ZFYVE1: variants seen among roughly 807,000 people sequenced by gnomAD.
ZFYVE1 encodes the protein zinc finger FYVE-type containing 1, also known as zinc finger FYVE domain-containing protein 1.
ZFYVE1 carries 30 observed loss-of-function variants against 74.4 expected under a neutral mutation model. The ratio of observed to expected loss-of-function variants is 0.40; its 90% CI spans 0.30 to 0.55. ZFYVE1 has a LOEUF of 0.55. ZFYVE1 is among the 20% of genes least tolerant of loss of function. ZFYVE1 has a pLI of 0.42. For missense variants in ZFYVE1, 703 were observed against 1,011.6 expected (o/e 0.69, Z 4.14); for synonymous variants, 335 against 385.1 (o/e 0.87, Z 1.52).
At chr14:72,994,555 G>C (rs769009990) in intron 3 of ZFYVE1, among the ~76,000 whole-genome samples, 2 of 152,002 alleles carry the variant, frequency 1.3e-5, no homozygotes, top group Non-Finnish European at 2.9e-5. Context: ...GATACGCACT[G>C]TTCTGTATGC....
intron 6 of ZFYVE1, among the ~76,000 whole-genome samples, chr14:72,978,452 A>G (rs1567345900): frequency 6.6e-6 from 1 of 151,636 alleles, no homozygotes. Flanking sequence ...CTGTAATCCC[A>G]GCTACTCAGG....
At position 72,969,960 on chromosome 14, in the gene ZFYVE1, A is replaced by G; in HGVS notation, c.*922T>C. 1.8e-6 allele frequency: 1 copy of G among 549,898 alleles called. No individual in the cohort carries two copies. Among genetic ancestry groups the G allele is most frequent in the East Asian group, 3.0e-5 (1 of 33,118 alleles). The allele number at this position is 549,898 out of a possible 1,614,324, so 34.1% of individuals were successfully genotyped here. A position where few individuals can be genotyped will look rare whatever the true frequency, so the allele number is the denominator to read the frequency against. On this transcript the variant is annotated 3_prime_UTR_variant, in exon 12 of 12. Coordinates refer to ENST00000556143, the MANE Select transcript of ZFYVE1 (RefSeq NM_021260.4). ...GTGTGTCTGGGAACAAAGGATTAAG[A>G]CACTTTAAAATAAGCAATGAAAATC...
intron 2 of ZFYVE1, among the ~76,000 whole-genome samples, chr14:73,015,319 A>AGGG (rs1894172633): frequency 1.3e-5 from 1 of 77,898 alleles, no homozygotes. Context: ...GGAGGGAGGG[A>AGGG]AGGGGGAAGG....
chr14:73,005,476 A>T (rs1465040873), intron 2 of ZFYVE1, among the ~76,000 whole-genome samples: 1 of 152,120 alleles, frequency 6.6e-6, no homozygotes, highest in African/African-American at 2.4e-5. Flanking sequence ...CAGGAGGGAT[A>T]CCAAAGCCAC....
Position 72,993,207 on chromosome 14 carries a change from T to C in ZFYVE1, c.1139A>G (p.Gln380Arg), listed in dbSNP as rs1893662231. The stretch of plus-strand genomic sequence containing the variant: ...ACGGGTGGTGTTATTCTCTAGTAGC[T>C]GCTCCAAAGCACGCCGAAGCCCAGA... ...DFSGLRRALE[Q>R]LLENNTTRSP... Residue 380 changes from glutamine to arginine, a missense_variant, in exon 4 of 12, where the codon CAG becomes CGG. Coordinates refer to ENST00000556143, the MANE Select transcript of ZFYVE1 (RefSeq NM_021260.4). 6.2e-7 allele frequency: 1 copy of C among 1,613,702 alleles called. No homozygotes were observed. Among genetic ancestry groups the C allele is most frequent in the Non-Finnish European group, 8.5e-7 (1 of 1,179,948 alleles).
intron 2 of ZFYVE1, among the ~76,000 whole-genome samples, chr14:72,999,842 G>C (rs577521178): frequency 1.3e-5 from 2 of 152,106 alleles, no homozygotes; most frequent in Non-Finnish European, 2.9e-5. Flanking sequence ...GGCAGATCGC[G>C]TGAGGCCAGG....
rs2140346102 is a variant in ZFYVE1 at position 72,978,196 on chromosome 14, G to A, written c.1458C>T (p.Pro486=). ...YERGEEVSVV[P]KTSASTDSPW... ...GGGAGTCAGTGGAAGCAGATGTTTT[G>A]GGCACTACACTGACTTCCTCGCCTC... The change falls in exon 7 of 12, where the codon CCC becomes CCT. Residue 486 remains proline (P), a synonymous_variant. Coordinates refer to ENST00000556143, the MANE Select transcript of ZFYVE1 (RefSeq NM_021260.4). The A allele has an allele frequency of 6.2e-7, 1 of 1,614,122 alleles. No individual in the cohort carries two copies. The highest frequency in any genetic ancestry group is 1.3e-5 in the African/African-American group (1 of 75,010).
rs376709641 is a variant in ZFYVE1, at chr14:72,974,776, T to A, written c.1987+3A>T. The A allele has an allele frequency of 6.3e-7, 1 of 1,593,320 alleles. No individual in the cohort carries two copies. Among genetic ancestry groups the A allele is most frequent in the African/African-American group, 1.3e-5 (1 of 74,534 alleles). ...CCCCTGCAGCTCCCAGGTCCCACGT[T>A]ACCTAACTGGACGTTCCTGGCTTCG... On this transcript the variant is annotated splice_donor_region_variant and intron_variant, in intron 10 of 11. Transcript: ENST00000556143.
chr14:73,022,709 C>A (rs1303231055), intron 2 of ZFYVE1, among the ~76,000 whole-genome samples: 3 of 152,178 alleles, frequency 2.0e-5, no homozygotes, highest in Non-Finnish European at 4.4e-5. Flanking sequence ...AGACATTACA[C>A]TACCTTCATT....
At chr14:72,976,235 C>A (rs1213755983) in intron 8 of ZFYVE1, among the ~76,000 whole-genome samples, 3 of 152,192 alleles carry the variant, frequency 2.0e-5, no homozygotes, top group Non-Finnish European at 4.4e-5. Flanking sequence ...AAGGAGCAAA[C>A]AAACAGCAGG....
intron 2 of ZFYVE1, among the ~76,000 whole-genome samples, chr14:73,006,709 CTTTTTTT>C (rs35364666): frequency 2.6e-5 from 2 of 77,686 alleles, no homozygotes; most frequent in African/African-American, 9.0e-5. Flanking sequence ...ACCCCAGTTC[CTTTTTTT>C]TTTTTTTTTT....
In ZFYVE1 at chr14:72,975,670, C is replaced by T. The variant is rs750537981; in HGVS notation, c.1687G>A (p.Gly563Arg). 8.1e-6 allele frequency: 13 copies of T among 1,614,062 alleles called. No homozygotes were observed. The highest frequency in any genetic ancestry group is 1.3e-5 in the African/African-American group (1 of 74,910). The change falls in exon 9 of 12, where the codon GGG (glycine) becomes AGG (arginine). Residue 563 changes from glycine to arginine, a missense_variant. Coordinates refer to ENST00000556143, the MANE Select transcript of ZFYVE1 (RefSeq NM_021260.4). The surrounding 1 kb of genome is among the most constrained non-coding windows in gnomAD (Gnocchi z 4.1). ...ACCGACTGAGCCATGAAGTTCATCC[C>T]GTCCAACAGGCGCTGGGCAGCATTG... ...NNNAAQRLLD[G>R]MNFMAQSVSE...
intron 3 of ZFYVE1, 32 bp downstream of exon 3, chr14:72,997,779 G>A: frequency 5.8e-6 from 9 of 1,548,312 alleles, no homozygotes; most frequent in Non-Finnish European, 7.9e-6. Context: ...ACCCATAAAG[G>A]TTGAGCTGTG....
At chr14:73,003,831 G>A (rs1173168239) in intron 2 of ZFYVE1, among the ~76,000 whole-genome samples, 1 of 152,174 alleles carries the variant, frequency 6.6e-6, no homozygotes, top group East Asian at 1.9e-4. Flanking sequence ...CAGTGACAGT[G>A]CCCTTCACTA....
At chr14:73,017,488 T>A (rs1894225805) in intron 2 of ZFYVE1, among the ~76,000 whole-genome samples, 3 of 152,234 alleles carry the variant, frequency 2.0e-5, no homozygotes, top group African/African-American at 7.2e-5. Context: ...CAAATGGGAC[T>A]AATTTATCTC....
chr14:72,978,826 C>T (rs201800459), intron 6 of ZFYVE1, 35 bp downstream of exon 6: 1,842 of 1,576,092 alleles, frequency 1.2e-3, no homozygotes, highest in Non-Finnish European at 1.5e-3. Flanking sequence ...TCAGCAAGCC[C>T]GCTGCTGACA....
intron 4 of ZFYVE1, among the ~76,000 whole-genome samples, chr14:72,989,443 T>C (rs2140358903): frequency 1.3e-5 from 2 of 152,252 alleles, no homozygotes; most frequent in East Asian, 3.9e-4. Context: ...GAGTTAGCTC[T>C]ACAGACTGAG....
Position 72,970,523 on chromosome 14 carries a change from C to T in ZFYVE1, c.*359G>A, listed in dbSNP as rs1362784678. Reference sequence around the variant, plus strand: ...GCTGCCACTGCCACCTCACCCTGTGCGGAGGAGACTGTGCGAAGTCTTCAC... The same window carrying T: ...GCTGCCACTGCCACCTCACCCTGTGTGGAGGAGACTGTGCGAAGTCTTCAC... On this transcript the variant is annotated 3_prime_UTR_variant, in exon 12 of 12. Transcript: ENST00000556143. 7 of 263,530 alleles carry T rather than the reference C, an allele frequency of 2.7e-5. 1 individual carries two copies. Among genetic ancestry groups the T allele is most frequent in the South Asian group, 9.7e-5 (2 of 20,612 alleles). 16.3% of individuals were successfully genotyped at this position (263,530 alleles called of 1,614,324 possible).
rs114321719 is a variant in ZFYVE1 at position 72,998,951 on chromosome 14, A to T, written c.484-636T>A. Among the ~76,000 whole-genome samples the T allele has an allele frequency of 3.3e-3, 498 of 152,042 alleles. 2 individuals are homozygous for T. The highest frequency in any genetic ancestry group is 0.011 in the African/African-American group (474 of 41,542). Reference sequence around the variant, plus strand: ...AAATCCTGTCTCTGCTAAAAATTTTAAAAATATTAAAAATTTTAAAATAAT... The same window carrying T: ...AAATCCTGTCTCTGCTAAAAATTTTTAAAATATTAAAAATTTTAAAATAAT... On this transcript the variant is annotated intron_variant, in intron 2 of 11. Coordinates refer to ENST00000556143, the MANE Select transcript of ZFYVE1 (RefSeq NM_021260.4).
Sources: gnomAD v4.1 joint callset for allele counts (sites outside exome capture counted in the v4.1 genomes callset) on GRCh38, gnomAD v4.1.1 for gene constraint, Gnocchi (gnomAD v3.1) non-coding constraint, MANE v1.5 for transcripts, NCBI Gene and HGNC (gene_info 2026-07-23, HGNC 2026-07-21) for gene names.